Variants in HDAC4 observed in about 807,000 individuals in gnomAD.
HDAC4 encodes histone deacetylase 4.
Under a neutral mutation model 135.1 loss-of-function variants are expected in HDAC4, and 16 were observed. The observed-to-expected ratio is 0.12, with a 90% confidence interval of 0.08 to 0.18. HDAC4 has a LOEUF of 0.18. Among genes scored for constraint, HDAC4 ranks in the 10% least tolerant of loss-of-function variants. The pLI, the probability that HDAC4 is intolerant of heterozygous loss-of-function variation, is 1.00. For synonymous variants in HDAC4, 685 were observed against 653.4 expected, an observed-to-expected ratio of 1.05 and a Z score of -0.74; for missense variants, 1,143 against 1,511.8, an observed-to-expected ratio of 0.76 and a Z score of 4.05.
intron 2 of HDAC4, among the ~76,000 whole-genome samples, chr2:239,261,841 AG>A (rs1336369012): frequency 4.6e-5 from 7 of 152,200 alleles, no homozygotes; most frequent in African/African-American, 1.7e-4. Context: ...GGAGCCCGGC[AG>A]GGACACCCCC....
chr2:239,386,749 T>G (rs1057414210), intron 1 of HDAC4, among the ~76,000 whole-genome samples: 1 of 152,176 alleles, frequency 6.6e-6, no homozygotes, highest in African/African-American at 2.4e-5. Flanking sequence ...ACCGAGAACT[T>G]CTGCTCGTAA....
intron 2 of HDAC4, among the ~76,000 whole-genome samples, chr2:239,280,986 TACAC>T (rs1296674353): frequency 8.3e-6 from 1 of 119,800 alleles, no homozygotes; most frequent in East Asian, 2.3e-4. Context: ...CACACCACTC[TACAC>T]ACAATGTACA....
In HDAC4 at chr2:239,184,043, C is replaced by T. The variant is rs1019927487; in HGVS notation, c.339+5790G>A. Among the ~76,000 whole-genome samples the T allele has an allele frequency of 1.4e-4, 16 of 116,832 alleles. No individual in the cohort carries two copies. The Middle Eastern group carries it at 0.023, about 171-fold the overall frequency. The allele number at this position is 116,832 out of a possible 152,430, so 76.6% of individuals were successfully genotyped here. On this transcript the variant is annotated intron_variant, in intron 4 of 26. Coordinates refer to ENST00000543185, the MANE Select transcript of HDAC4 (RefSeq NM_001378414.1). The stretch of plus-strand genomic sequence containing the variant: ...GGACACACACACACACACAAGCACA[C>T]GAAAAAGAGGCCAGCCTTGCTAGTG...
intron 2 of HDAC4, among the ~76,000 whole-genome samples, chr2:239,259,863 T>C (rs1303526731): frequency 1.3e-5 from 2 of 152,202 alleles, no homozygotes; most frequent in East Asian, 3.9e-4. Context: ...GTAGGAAATA[T>C]GGCCTTGTGG....
chr2:239,323,860 T>C (rs1225532115), intron 2 of HDAC4, among the ~76,000 whole-genome samples: 3 of 152,170 alleles, frequency 2.0e-5, no homozygotes, highest in African/African-American at 7.2e-5. Context: ...AAACATTCAT[T>C]TTTATTTTTT....
rs148275312 is a variant in HDAC4 at position 239,120,193 on chromosome 2, A to C, written c.1534-4883T>G. Reference sequence around the variant, plus strand: ...GATTCGAGTCTGGGATTTGGGAGACAGATCAGAACTGGAGCAGTACGCAGG... The same window carrying C: ...GATTCGAGTCTGGGATTTGGGAGACCGATCAGAACTGGAGCAGTACGCAGG... On this transcript the variant is annotated intron_variant, in intron 12 of 26. Transcript: ENST00000543185. Among the ~76,000 whole-genome samples, 891 of 152,314 alleles carry C rather than the reference A, an allele frequency of 5.8e-3. 7 individuals are homozygous for C. Among genetic ancestry groups the C allele is most frequent in the African/African-American group, 0.018 (753 of 41,572 alleles).
chr2:239,234,984 A>G (rs981347285), intron 3 of HDAC4, among the ~76,000 whole-genome samples: 1 of 152,338 alleles, frequency 6.6e-6, no homozygotes, highest in African/African-American at 2.4e-5. Context: ...TTACACGAAA[A>G]CAACACCGGC....
At chr2:239,310,364 T>C (rs1365254128) in intron 2 of HDAC4, among the ~76,000 whole-genome samples, 1 of 152,140 alleles carries the variant, frequency 6.6e-6, no homozygotes, top group Non-Finnish European at 1.5e-5. Context: ...AGTGACAGCA[T>C]TGGTGTTTAG....
At chr2:239,211,085 T>C (rs1056322660) in intron 3 of HDAC4, among the ~76,000 whole-genome samples, 2 of 151,992 alleles carry the variant, frequency 1.3e-5, no homozygotes, top group African/African-American at 2.4e-5. Flanking sequence ...TTACAATACC[T>C]GCAGATCAGA....
chr2:239,120,458 T>A (rs1233977181), intron 12 of HDAC4, among the ~76,000 whole-genome samples: 1 of 150,536 alleles, frequency 6.6e-6, no homozygotes, highest in African/African-American at 2.5e-5. Context: ...CAGATACATA[T>A]ACACATGAAG....
chr2:239,079,657 C>A lies in HDAC4; in HGVS notation c.2750+1438G>T, dbSNP rs145841507. On this transcript the variant is annotated intron_variant, in intron 22 of 26. Transcript: ENST00000543185. Reference sequence around the variant, plus strand: ...CACATGTCCTTGTGAAGGGCCTCACCTGCCGGAGACGTGCATACTCAGGTG... The same window carrying A: ...CACATGTCCTTGTGAAGGGCCTCACATGCCGGAGACGTGCATACTCAGGTG... Among the ~76,000 whole-genome samples the A allele has an allele frequency of 9.8e-4, 149 of 152,368 alleles. 1 individual carries two copies. Among genetic ancestry groups the A allele is most frequent in the Middle Eastern group, 3.4e-3 (1 of 294 alleles).
chr2:239,150,115 T>C (rs751904626), intron 7 of HDAC4, among the ~76,000 whole-genome samples: 3 of 152,124 alleles, frequency 2.0e-5, no homozygotes, highest in Non-Finnish European at 4.4e-5. Flanking sequence ...GGCCACCATA[T>C]AATATTAATT....
rs942760911 is a variant in HDAC4 at position 239,240,765 on chromosome 2, C to G, written c.23-4101G>C. Among the ~76,000 whole-genome samples the G allele has an allele frequency of 5.3e-5, 8 of 152,206 alleles. No individual in the cohort carries two copies. Among genetic ancestry groups the G allele is most frequent in the Admixed American group, 2.0e-4 (3 of 15,288 alleles). On this transcript the variant is annotated intron_variant, in intron 2 of 26. Coordinates refer to ENST00000543185, the MANE Select transcript of HDAC4 (RefSeq NM_001378414.1). This position sits in a 1 kb window ranked among gnomAD's most constrained non-coding sequence, Gnocchi z 4.5. ...TGCCCCAGTGTGCTCAATGCACCCA[C>G]AGTCAACTGCAGTGACCACATCACT...
intron 2 of HDAC4, among the ~76,000 whole-genome samples, chr2:239,248,791 C>G (rs1225310880): frequency 6.6e-6 from 1 of 152,186 alleles, no homozygotes. Context: ...TTGGGACCAA[C>G]TTTCAAAAGC....
intron 9 of HDAC4, among the ~76,000 whole-genome samples, chr2:239,137,757 T>C (rs186877318): frequency 1.3e-5 from 2 of 152,218 alleles, no homozygotes; most frequent in African/African-American, 2.4e-5. Context: ...CGTCCAACTC[T>C]AGAGATACTG....
chr2:239,252,313 C>CT (rs1399026311), intron 2 of HDAC4, among the ~76,000 whole-genome samples: 2 of 152,220 alleles, frequency 1.3e-5, no homozygotes, highest in African/African-American at 4.8e-5. Context: ...GCTCTCCAAC[C>CT]TTGCAGGACT....
chr2:239,110,680 T>C (rs910666749), intron 14 of HDAC4, among the ~76,000 whole-genome samples: 1 of 152,262 alleles, frequency 6.6e-6, no homozygotes, highest in East Asian at 1.9e-4. Context: ...GAAGCCGTGC[T>C]GTATTTACAG....
chr2:239,269,594 G>A (rs561359747), intron 2 of HDAC4, among the ~76,000 whole-genome samples: 6 of 152,310 alleles, frequency 3.9e-5, no homozygotes, highest in Non-Finnish European at 7.4e-5. Context: ...TCCTGGAGGA[G>A]GAGGGTCCTT....
chr2:239,267,950 A>C (rs1026232669), intron 2 of HDAC4, among the ~76,000 whole-genome samples: 1 of 152,266 alleles, frequency 6.6e-6, no homozygotes, highest in Non-Finnish European at 1.5e-5. Flanking sequence ...TTTCCTAAAA[A>C]GACAAATATC....
Sources: gnomAD v4.1 joint callset for allele counts (sites outside exome capture counted in the v4.1 genomes callset) on GRCh38, gnomAD v4.1.1 for gene constraint, Gnocchi (gnomAD v3.1) non-coding constraint, MANE v1.5 for transcripts, NCBI Gene and HGNC (gene_info 2026-07-23, HGNC 2026-07-21) for gene names.